DPP6: variants seen among roughly 807,000 people sequenced by gnomAD.
The protein encoded by DPP6 is dipeptidyl peptidase like 6, also known as A-type potassium channel modulatory protein DPP6.
Under a neutral mutation model 122.6 loss-of-function variants are expected in DPP6, and 69 were observed. The ratio of observed to expected loss-of-function variants is 0.56; its 90% CI spans 0.46 to 0.69. The LOEUF (loss-of-function observed/expected upper bound fraction) is 0.69, where lower values mean the gene tolerates loss of function less well. DPP6 is among the 30% of genes least tolerant of loss of function. DPP6 has a pLI of 0.00. For synonymous variants in DPP6, 418 were observed against 433.1 expected (o/e 0.97, Z 0.43); for missense variants, 928 against 1,116.9 (o/e 0.83, Z 2.41).
intron 5 of DPP6, among the ~76,000 whole-genome samples, chr7:154,603,656 CA>C (rs779501891): frequency 0.029 from 726 of 24,928 alleles, 15 homozygotes; most frequent in African/African-American, 0.071. Context: ...AACTCTGTCT[CA>C]AAAAAAAAAA....
intron 1 of DPP6, among the ~76,000 whole-genome samples, chr7:154,413,569 T>C (rs967882319): frequency 6.6e-6 from 1 of 152,202 alleles, no homozygotes; most frequent in Non-Finnish European, 1.5e-5. Flanking sequence ...TTAACAACAT[T>C]TAGTTTGGGA....
At chr7:154,846,423 T>C (rs758051904) in intron 16 of DPP6, among the ~76,000 whole-genome samples, 1 of 152,128 alleles carries the variant, frequency 6.6e-6, no homozygotes, top group Non-Finnish European at 1.5e-5. Context: ...TCCTGGAGGA[T>C]AGCCCAGCAG....
intron 1 of DPP6, among the ~76,000 whole-genome samples, chr7:154,370,379 G>C (rs1463078495): frequency 6.6e-6 from 1 of 151,048 alleles, no homozygotes; most frequent in East Asian, 1.9e-4. Context: ...TTTATTTTTT[G>C]GGGGGGAGGG....
the DPP6 span, among the ~76,000 whole-genome samples, chr7:153,761,132 GCTTT>G: frequency 6.6e-6 from 1 of 152,056 alleles, no homozygotes; most frequent in East Asian, 1.9e-4. Flanking sequence ...GTCCTTCTTC[GCTTT>G]CTTTGATATC....
Position 154,872,628 on chromosome 7 carries a change from G to A in DPP6, c.1818G>A (p.Leu606=). Residue 606 remains leucine (L), a synonymous_variant, in exon 19 of 26, where the codon CTG becomes CTA. Transcript: ENST00000377770. The part of the protein sequence containing the change: ...YRDIEIDDYN[L]PMQILKPATF... ...CTGTGCTCTGCTTCTCCCCAGACCTGCCCATGCAGATACTGAAGCCAGCAA... is the reference window on the plus strand; with the variant it reads ...CTGTGCTCTGCTTCTCCCCAGACCTACCCATGCAGATACTGAAGCCAGCAA... 2 of 1,600,274 alleles carry A rather than the reference G, an allele frequency of 1.2e-6. No individual in the cohort carries two copies. Among genetic ancestry groups the A allele is most frequent in the African/African-American group, 1.3e-5 (1 of 74,726 alleles).
At chr7:153,768,898 T>A in the DPP6 span, among the ~76,000 whole-genome samples, 1 of 152,176 alleles carries the variant, frequency 6.6e-6, no homozygotes, top group Non-Finnish European at 1.5e-5. Context: ...TCTATGAATC[T>A]AATAGGTTAA....
At chr7:154,023,338 A>G (rs1002153164) in intron 1 of DPP6, among the ~76,000 whole-genome samples, 2 of 151,704 alleles carry the variant, frequency 1.3e-5, no homozygotes, top group African/African-American at 4.8e-5. Flanking sequence ...ACACACACAC[A>G]CACACACACA....
At chr7:154,505,487 C>T (rs925343043) in intron 3 of DPP6, among the ~76,000 whole-genome samples, 5 of 152,304 alleles carry the variant, frequency 3.3e-5, no homozygotes, top group Middle Eastern at 6.8e-3. Context: ...TCCGGGACAC[C>T]GCAGTGCATC....
At chr7:153,999,872 T>C (rs1797606311) in intron 1 of DPP6, among the ~76,000 whole-genome samples, 1 of 151,898 alleles carries the variant, frequency 6.6e-6, no homozygotes, top group Admixed American at 6.6e-5. Context: ...GGTGGTAGGA[T>C]TGCTTGAGCC....
chr7:154,349,694 G>GTAATA (rs2151076783), intron 1 of DPP6, among the ~76,000 whole-genome samples: 1 of 152,288 alleles, frequency 6.6e-6, no homozygotes, highest in East Asian at 1.9e-4. Flanking sequence ...GTTCGCCTGT[G>GTAATA]TGACTTAACG....
At chr7:154,857,325 C>T (rs1802926454) in intron 17 of DPP6, among the ~76,000 whole-genome samples, 1 of 152,228 alleles carries the variant, frequency 6.6e-6, no homozygotes, top group Admixed American at 6.5e-5. Context: ...TTTCCCCATG[C>T]CTGGATAAAA....
At chr7:154,851,700 T>C (rs1355351081) in intron 16 of DPP6, among the ~76,000 whole-genome samples, 2 of 152,232 alleles carry the variant, frequency 1.3e-5, no homozygotes, top group Non-Finnish European at 2.9e-5. Flanking sequence ...TACATTTGAA[T>C]TTTAGGTAAA....
chr7:154,341,147 A>C (rs1336748902), intron 1 of DPP6, among the ~76,000 whole-genome samples: 2 of 152,200 alleles, frequency 1.3e-5, no homozygotes, highest in African/African-American at 2.4e-5. Flanking sequence ...CTCTGTCCCC[A>C]TTTGGCATTT....
At chr7:154,658,124 T>A (rs572918915) in intron 6 of DPP6, among the ~76,000 whole-genome samples, 1 of 152,298 alleles carries the variant, frequency 6.6e-6, no homozygotes, top group Non-Finnish European at 1.5e-5. Context: ...ACGGATGGAT[T>A]TGTCACAACT....
intron 1 of DPP6, among the ~76,000 whole-genome samples, chr7:154,326,652 TA>T (rs1808470759): frequency 6.6e-6 from 1 of 152,242 alleles, no homozygotes; most frequent in Non-Finnish European, 1.5e-5. Context: ...AGAAACACTT[TA>T]AAACATTTGC....
chr7:154,778,822 C>CACCA (rs1796768267), intron 10 of DPP6, among the ~76,000 whole-genome samples: 1 of 147,500 alleles, frequency 6.8e-6, no homozygotes, highest in African/African-American at 2.5e-5. Flanking sequence ...CAACTTCCAA[C>CACCA]CTTCACCACC....
intron 1 of DPP6, among the ~76,000 whole-genome samples, chr7:154,222,674 A>G (rs1209450412): frequency 6.7e-6 from 1 of 149,192 alleles, no homozygotes; most frequent in Non-Finnish European, 1.5e-5. Context: ...ATAAAATAAA[A>G]TAAAATAAAT....
At chr7:154,348,637 T>C (rs1261481565) in intron 1 of DPP6, among the ~76,000 whole-genome samples, 1 of 152,218 alleles carries the variant, frequency 6.6e-6, no homozygotes, top group East Asian at 1.9e-4. Context: ...GGTCAGGTTC[T>C]GTTCATTTCA....
intron 6 of DPP6, among the ~76,000 whole-genome samples, chr7:154,666,242 C>T (rs1384666903): frequency 6.7e-6 from 1 of 150,316 alleles, no homozygotes; most frequent in East Asian, 1.9e-4. Context: ...TACTATAACA[C>T]ATACTCTTGG....
Sources: gnomAD v4.1 joint callset for allele counts (sites outside exome capture counted in the v4.1 genomes callset) on GRCh38, gnomAD v4.1.1 for gene constraint, MANE v1.5 for transcripts, NCBI Gene and HGNC (gene_info 2026-07-23, HGNC 2026-07-21) for gene names.